The following GTF2A1L variants were observed in gnomAD, a reference collection of about 807,000 sequenced individuals.
GTF2A1L encodes TFIIA-alpha and beta-like factor.
Under a neutral mutation model 49.7 loss-of-function variants are expected in GTF2A1L, and 48 were observed. The observed-to-expected ratio is 0.97, with a 90% CI of 0.77 to 1.23. The LOEUF (loss-of-function observed/expected upper bound fraction) is 1.23. GTF2A1L is among the 50% of genes most tolerant of loss of function. The pLI, the probability that GTF2A1L is intolerant of heterozygous loss-of-function variation, is 0.00. For synonymous variants in GTF2A1L, 246 were observed against 193.5 expected (o/e 1.27, Z -2.25); for missense variants, 736 against 564.8 (o/e 1.30, Z -3.07).
At chr2:48,652,620 CAACA>C (rs1021047266) in intron 6 of GTF2A1L, among the ~76,000 whole-genome samples, 1 of 151,210 alleles carries the variant, frequency 6.6e-6, no homozygotes, top group African/African-American at 2.4e-5. Context: ...ATCTCAAAAA[CAACA>C]AACAAACAGC....
Position 48,630,772 on chromosome 2 carries a change from G to C in GTF2A1L, c.247+9482G>C, listed in dbSNP as rs1676522425. Among the ~76,000 whole-genome samples the C allele has an allele frequency of 1.3e-5, 2 of 151,172 alleles. 1 individual carries two copies. The highest frequency in any genetic ancestry group is 4.2e-4 in the South Asian group (2 of 4,718). On this transcript the variant is annotated intron_variant, in intron 3 of 8. Transcript: ENST00000403751. ...TCATAGATGGCTCTTATTATTTTGA[G>C]GTATGTTCCCTCAATGCCTAGTTTC...
intron 3 of GTF2A1L, among the ~76,000 whole-genome samples, chr2:48,628,719 A>G (rs1048232469): frequency 3.5e-5 from 5 of 143,874 alleles, no homozygotes; most frequent in African/African-American, 9.9e-5. Flanking sequence ...CTATAGTTTA[A>G]TTAGGTCTCA....
intron 3 of GTF2A1L, among the ~76,000 whole-genome samples, chr2:48,641,809 A>C (rs527680487): frequency 2.0e-5 from 3 of 152,306 alleles, no homozygotes; most frequent in African/African-American, 7.2e-5. Flanking sequence ...CTGTAGGTCT[A>C]ATGTAGGTCG....
intron 4 of GTF2A1L, among the ~76,000 whole-genome samples, chr2:48,644,125 T>A (rs758527140): frequency 1.3e-5 from 2 of 152,196 alleles, no homozygotes; most frequent in Non-Finnish European, 2.9e-5. Flanking sequence ...GAGTTATGAT[T>A]GCACCACTGC....
intron 3 of GTF2A1L, among the ~76,000 whole-genome samples, chr2:48,621,789 C>G (rs1243396831): frequency 1.3e-5 from 2 of 152,184 alleles, no homozygotes; most frequent in Non-Finnish European, 2.9e-5. Flanking sequence ...AGAAATTGAT[C>G]ATGTGCATTT....
chr2:48,657,998 GAT>G lies in GTF2A1L; in HGVS notation c.978+10958_978+10959del, dbSNP rs554614055. On this transcript the variant is annotated intron_variant, in intron 6 of 8. Coordinates refer to ENST00000403751, the MANE Select transcript of GTF2A1L (RefSeq NM_006872.5). ...TTGTTTAAGTTTCTTATAAATTCTG[GAT>G]ACTACAACTTTGTCAGATGCACAGT... Among the ~76,000 whole-genome samples the G allele has an allele frequency of 9.2e-5, 14 of 152,142 alleles. No homozygotes were observed. In the South Asian group the frequency reaches 2.9e-3, roughly 32 times the overall value.
chr2:48,621,398 G>C (rs996588885), intron 3 of GTF2A1L, 108 bp downstream of exon 3: 53 of 1,456,244 alleles, frequency 3.6e-5, no homozygotes, highest in Non-Finnish European at 4.8e-5. Flanking sequence ...AGAAGGCTTG[G>C]ACACCTAAAT....
At chr2:48,639,599 A>G (rs1350184879) in intron 3 of GTF2A1L, among the ~76,000 whole-genome samples, 2 of 152,172 alleles carry the variant, frequency 1.3e-5, no homozygotes, top group African/African-American at 4.8e-5. Flanking sequence ...AAAAAACCCT[A>G]GAAAACAACC....
At chr2:48,653,517 C>G (rs1230090382) in intron 6 of GTF2A1L, among the ~76,000 whole-genome samples, 1 of 152,192 alleles carries the variant, frequency 6.6e-6, no homozygotes, top group African/African-American at 2.4e-5. Flanking sequence ...ATGCAGCATG[C>G]ATTTTTAGCA....
At chr2:48,649,244 C>G (rs747398315) in intron 6 of GTF2A1L, among the ~76,000 whole-genome samples, 1 of 152,132 alleles carries the variant, frequency 6.6e-6, no homozygotes, top group African/African-American at 2.4e-5. Flanking sequence ...TAGTCGATAT[C>G]GTAGCATGTG....
At chr2:48,662,216 A>G (rs1005372871) in intron 6 of GTF2A1L, among the ~76,000 whole-genome samples, 124 of 152,282 alleles carry the variant, frequency 8.1e-4, no homozygotes, top group African/African-American at 2.7e-3. Flanking sequence ...ACTTCTTCAT[A>G]TTTTATTTAC....
rs779144903 is a variant in GTF2A1L, at chr2:48,679,461, A to C, written c.*19A>C. On this transcript the variant is annotated 3_prime_UTR_variant, in exon 9 of 9. Coordinates refer to ENST00000403751, the MANE Select transcript of GTF2A1L (RefSeq NM_006872.5). ...GTGGTAAACCTTGTGAGCTCAGTACATCTATTTTGTGAACATCAGTTGGAT... is the reference window on the plus strand; with the variant it reads ...GTGGTAAACCTTGTGAGCTCAGTACCTCTATTTTGTGAACATCAGTTGGAT... 1.9e-6 allele frequency: 3 copies of C among 1,610,788 alleles called. No individual in the cohort carries two copies. The highest frequency in any genetic ancestry group is 4.5e-5 in the East Asian group (2 of 44,738).
At chr2:48,617,968 C>G (rs1675756616) in intron 1 of GTF2A1L, 73 bp downstream of exon 1, 3 of 1,424,018 alleles carry the variant, frequency 2.1e-6, no homozygotes, top group African/African-American at 1.4e-5. Flanking sequence ...GAACCCTGCA[C>G]CTTTTGTTTC....
intron 6 of GTF2A1L, among the ~76,000 whole-genome samples, chr2:48,662,652 C>CT (rs35260466): frequency 0.039 from 5,171 of 132,348 alleles, 402 homozygotes; most frequent in East Asian, 0.31. Context: ...CTTGGTTGAT[C>CT]TTTTTTTTTT....
At chr2:48,647,892 A>C (rs779553063) in intron 6 of GTF2A1L, among the ~76,000 whole-genome samples, 2 of 152,152 alleles carry the variant, frequency 1.3e-5, no homozygotes, top group African/African-American at 4.8e-5. Context: ...CTTGTGGCTA[A>C]TTCTATTTAC....
Position 48,645,066 on chromosome 2 carries a change from C to A in GTF2A1L, c.337C>A (p.Pro113Thr). ...TSNSSANFTF[P>T]GYPIHVPAGV... ...AAACTCCAGTGCAAACTTTACTTTT[C>A]CTGGTTATCCCATTCATGTACCAGC... Residue 113 changes from proline (P) to threonine (T), a missense_variant, in exon 5 of 9, where the codon CCT (proline) becomes ACT (threonine). Physicochemically the swap from Pro to Thr is conservative, Grantham distance 38. Coordinates refer to ENST00000403751, the MANE Select transcript of GTF2A1L (RefSeq NM_006872.5). The A allele has an allele frequency of 6.2e-7, 1 of 1,612,620 alleles. No homozygotes were observed. The highest frequency in any genetic ancestry group is 8.5e-7 in the Non-Finnish European group (1 of 1,179,468).
chr2:48,671,199 G>C (rs1441048719), intron 7 of GTF2A1L, among the ~76,000 whole-genome samples: 1 of 151,278 alleles, frequency 6.6e-6, no homozygotes, highest in Non-Finnish European at 1.5e-5. Context: ...TTATTTCTTT[G>C]TTTTGTTTTG....
At position 48,626,251 on chromosome 2, in the gene GTF2A1L, A is replaced by G. The variant is rs571684447; in HGVS notation, c.247+4961A>G. ...CTTTGTGTCTGTTTTTGTCAGTGCC[A>G]TACTGTTTTGATTACTACAGGTTTG... is the stretch of plus-strand genomic sequence containing the variant. On this transcript the variant is annotated intron_variant, in intron 3 of 8. Transcript: ENST00000403751. 2.4e-4 allele frequency among the ~76,000 whole-genome samples: 34 copies of G among 143,916 alleles called. 2 individuals carry two copies. In the East Asian group the frequency reaches 6.5e-3, roughly 27 times the overall value. The allele number at this position is 143,916 out of a possible 152,430, so 94.4% of individuals were successfully genotyped here. A position where few individuals can be genotyped will look rare whatever the true frequency, so the allele number is the denominator to read the frequency against.
chr2:48,618,118 G>A (rs1292778265), intron 1 of GTF2A1L: 3 of 533,550 alleles, frequency 5.6e-6, no homozygotes, highest in African/African-American at 3.9e-5. Context: ...AAGAACAAGT[G>A]CCCTTTTTCT....
Sources: allele counts gnomAD v4.1 joint callset (sites outside exome capture counted in the v4.1 genomes callset), GRCh38; gene constraint gnomAD v4.1.1; transcripts MANE v1.5; gene names NCBI Gene and HGNC (gene_info 2026-07-23, HGNC 2026-07-21).